Variants in CCSER1 observed in about 807,000 individuals in gnomAD.
CCSER1 encodes coiled-coil serine rich protein 1.
A neutral mutation model predicts 82.0 loss-of-function variants in CCSER1; 41 were observed. The observed-to-expected ratio is 0.50, with a 90% CI of 0.39 to 0.65. CCSER1 has a LOEUF of 0.65. CCSER1 is among the 30% of genes least tolerant of loss of function. CCSER1 has a pLI of 0.00. For synonymous variants in CCSER1, 414 were observed against 383.9 expected (o/e 1.08, Z -0.92); for missense variants, 1,119 against 1,064.2 (o/e 1.05, Z -0.72).
At chr4:90,845,668 G>C (rs887932480) in intron 8 of CCSER1, among the ~76,000 whole-genome samples, 34 of 151,960 alleles carry the variant, frequency 2.2e-4, no homozygotes, top group African/African-American at 8.2e-4. Flanking sequence ...ACAAAACCTT[G>C]AATTCAGGAT....
At chr4:91,104,385 C>T (rs1237187580) in intron 10 of CCSER1, among the ~76,000 whole-genome samples, 1 of 152,152 alleles carries the variant, frequency 6.6e-6, no homozygotes, top group Non-Finnish European at 1.5e-5. Context: ...AGGTGGGCAT[C>T]ACGGTCCTAC....
chr4:91,285,292 G>C (rs967078949), intron 10 of CCSER1, among the ~76,000 whole-genome samples: 6 of 146,044 alleles, frequency 4.1e-5, no homozygotes, highest in African/African-American at 1.5e-4. Context: ...AAAGAAAAAA[G>C]TCCTTGTGCT....
intron 5 of CCSER1, among the ~76,000 whole-genome samples, chr4:90,608,871 A>G (rs553088634): frequency 3.3e-5 from 5 of 152,076 alleles, no homozygotes; most frequent in Non-Finnish European, 7.4e-5. Context: ...AGAATTTTTA[A>G]TCTGTTTTAT....
intron 10 of CCSER1, among the ~76,000 whole-genome samples, chr4:91,345,853 C>G (rs1748019389): frequency 6.6e-6 from 1 of 152,242 alleles, no homozygotes; most frequent in Non-Finnish European, 1.5e-5. Flanking sequence ...CCCTCATGCC[C>G]CACAAACTCC....
At chr4:91,131,282 T>A (rs1727966938) in intron 10 of CCSER1, among the ~76,000 whole-genome samples, 1 of 151,926 alleles carries the variant, frequency 6.6e-6, no homozygotes, top group African/African-American at 2.4e-5. Flanking sequence ...TGTACTGTCT[T>A]TAGTTTTCAG....
At chr4:90,378,055 T>C (rs1395101266) in intron 3 of CCSER1, among the ~76,000 whole-genome samples, 1 of 152,156 alleles carries the variant, frequency 6.6e-6, no homozygotes, top group Non-Finnish European at 1.5e-5. Flanking sequence ...GCCTTATTCA[T>C]TTGGCAAGTA....
intron 10 of CCSER1, among the ~76,000 whole-genome samples, chr4:91,454,571 A>T (rs780799106): frequency 1.1e-4 from 17 of 151,970 alleles, no homozygotes; most frequent in Admixed American, 3.3e-4. Flanking sequence ...TAACATTTAC[A>T]GGTGTTAGGG....
intron 5 of CCSER1, among the ~76,000 whole-genome samples, chr4:90,594,798 A>C (rs1783122809): frequency 6.6e-6 from 1 of 152,020 alleles, no homozygotes; most frequent in African/African-American, 2.4e-5. Context: ...TTGAAAATAC[A>C]TGAGACAAGT....
At chr4:90,820,059 A>G (rs929395001) in intron 8 of CCSER1, among the ~76,000 whole-genome samples, 57 of 152,220 alleles carry the variant, frequency 3.7e-4, no homozygotes, top group African/African-American at 1.2e-3. Context: ...TCTGCATTAA[A>G]TAAGAAATAG....
At chr4:90,950,230 G>C (rs1451748149) in intron 9 of CCSER1, among the ~76,000 whole-genome samples, 1 of 151,976 alleles carries the variant, frequency 6.6e-6, no homozygotes, top group Non-Finnish European at 1.5e-5. Context: ...ACATTTTCAT[G>C]GCTATATGTT....
intron 10 of CCSER1, among the ~76,000 whole-genome samples, chr4:91,441,772 G>C (rs1207689659): frequency 6.6e-6 from 1 of 152,152 alleles, no homozygotes; most frequent in Non-Finnish European, 1.5e-5. Context: ...CTTCAGCAAA[G>C]TCTCAGGATA....
intron 8 of CCSER1, among the ~76,000 whole-genome samples, chr4:90,867,476 TAATC>T (rs937447091): frequency 4.6e-5 from 7 of 152,246 alleles, no homozygotes; most frequent in African/African-American, 1.7e-4. Context: ...CAATGAGTGA[TAATC>T]ACATCAGGGT....
At chr4:90,377,876 T>A (rs973965201) in intron 3 of CCSER1, among the ~76,000 whole-genome samples, 1 of 152,134 alleles carries the variant, frequency 6.6e-6, no homozygotes, top group African/African-American at 2.4e-5. Context: ...TTGTCATTCA[T>A]TTAAAAAATG....
intron 10 of CCSER1, among the ~76,000 whole-genome samples, chr4:91,174,048 T>C (rs927992962): frequency 2.6e-5 from 4 of 152,218 alleles, no homozygotes; most frequent in Non-Finnish European, 5.9e-5. Context: ...AAAACTACCT[T>C]TAATGACAAA....
chr4:90,198,397 G>C (rs546263598), intron 1 of CCSER1, among the ~76,000 whole-genome samples: 1 of 152,154 alleles, frequency 6.6e-6, no homozygotes, highest in Non-Finnish European at 1.5e-5. Flanking sequence ...GGAACCAGAG[G>C]CAGACACCAA....
At chr4:90,140,039 G>A (rs1374565972) in intron 1 of CCSER1, among the ~76,000 whole-genome samples, 2 of 151,996 alleles carry the variant, frequency 1.3e-5, no homozygotes, top group African/African-American at 4.8e-5. Flanking sequence ...TGAATAAACT[G>A]ATTATTTAAA....
chr4:91,397,397 C>G (rs1050932781), intron 10 of CCSER1, among the ~76,000 whole-genome samples: 2 of 152,030 alleles, frequency 1.3e-5, no homozygotes, highest in African/African-American at 4.8e-5. Context: ...ACCTTTCATC[C>G]TTTATTCTTC....
chr4:90,144,266 T>G (rs764743316), intron 1 of CCSER1, among the ~76,000 whole-genome samples: 1 of 124,766 alleles, frequency 8.0e-6, no homozygotes, highest in Non-Finnish European at 1.7e-5. Context: ...CCAGGGAAAC[T>G]TGATTGTGGA....
intron 1 of CCSER1, among the ~76,000 whole-genome samples, chr4:90,246,968 C>A (rs1367012755): frequency 2.0e-5 from 3 of 151,590 alleles, no homozygotes; most frequent in Non-Finnish European, 2.9e-5. Context: ...ATCACGGGGG[C>A]CATTATTAAG....
Sources: allele counts gnomAD v4.1 joint callset (sites outside exome capture counted in the v4.1 genomes callset), GRCh38; gene constraint gnomAD v4.1.1; transcripts MANE v1.5; gene names NCBI Gene and HGNC (gene_info 2026-07-23, HGNC 2026-07-21).